The following PRMT3 variants were observed in gnomAD, a reference collection of about 807,000 sequenced individuals.
PRMT3 encodes the protein protein arginine methyltransferase 3, also known as protein arginine N-methyltransferase 3.
A neutral mutation model predicts 71.9 loss-of-function variants in PRMT3; 62 were observed. The observed-to-expected ratio is 0.86, with a 90% CI of 0.70 to 1.07. The LOEUF is 1.07. PRMT3 is among the 50% of genes least tolerant of loss of function. The pLI is 0.00. For missense variants in PRMT3, 663 were observed against 643.0 expected (o/e 1.03, Z -0.34); for synonymous variants, 213 against 220.4 (o/e 0.97, Z 0.30).
At chr11:20,419,807 A>G (rs963631468) in intron 9 of PRMT3, among the ~76,000 whole-genome samples, 1 of 152,214 alleles carries the variant, frequency 6.6e-6, no homozygotes, top group Admixed American at 6.5e-5. Flanking sequence ...CTAAAACTCC[A>G]TTAAGGCAGT....
chr11:20,467,242 A>G (rs1850534282), intron 13 of PRMT3, among the ~76,000 whole-genome samples: 1 of 152,204 alleles, frequency 6.6e-6, no homozygotes, highest in Non-Finnish European at 1.5e-5. Flanking sequence ...TTATCAGAGG[A>G]AGGTAACGTA....
At chr11:20,436,766 C>CTGATTTTGTT (rs1256190655) in intron 10 of PRMT3, among the ~76,000 whole-genome samples, 2 of 151,534 alleles carry the variant, frequency 1.3e-5, no homozygotes, top group African/African-American at 4.9e-5. Flanking sequence ...GTGTCTTTAA[C>CTGATTTTGTT]TGATTTTGTT....
chr11:20,392,188 G>A (rs1848729524), intron 3 of PRMT3, 23 bp from the exon 4 acceptor site: 2 of 1,568,098 alleles, frequency 1.3e-6, no homozygotes, highest in Admixed American at 3.6e-5. Context: ...TAACATAGGT[G>A]AATTATCTTT....
intron 8 of PRMT3, chr11:20,405,355 A>G (rs1590039313): frequency 7.6e-6 from 1 of 132,080 alleles, no homozygotes; most frequent in African/African-American, 2.5e-5. Context: ...AAATTTCCTC[A>G]TCATTTTATA....
At chr11:20,485,735 C>G (rs1851057163) in intron 13 of PRMT3, among the ~76,000 whole-genome samples, 1 of 152,000 alleles carries the variant, frequency 6.6e-6, no homozygotes, top group Non-Finnish European at 1.5e-5. Context: ...AAATGGGCAT[C>G]CCAGAGAAAA....
chr11:20,390,636 A>G (rs986010155), intron 3 of PRMT3, among the ~76,000 whole-genome samples: 20 of 152,260 alleles, frequency 1.3e-4, no homozygotes, highest in African/African-American at 4.6e-4. Context: ...TTGCCTTACA[A>G]TTAAGGCCTT....
intron 15 of PRMT3, among the ~76,000 whole-genome samples, chr11:20,500,400 T>C (rs540933576): frequency 2.0e-5 from 3 of 152,336 alleles, no homozygotes; most frequent in South Asian, 4.1e-4. Flanking sequence ...AATGGGCTAA[T>C]TCTAAAAGTT....
chr11:20,423,288 G>C (rs1161146992), intron 9 of PRMT3, among the ~76,000 whole-genome samples: 1 of 152,066 alleles, frequency 6.6e-6, no homozygotes, highest in Non-Finnish European at 1.5e-5. Flanking sequence ...ATTGTTGTTA[G>C]TTGGTCTGAA....
intron 13 of PRMT3, among the ~76,000 whole-genome samples, chr11:20,465,062 C>T (rs1331287123): frequency 6.6e-6 from 1 of 151,954 alleles, no homozygotes; most frequent in Non-Finnish European, 1.5e-5. Flanking sequence ...GTGGTTCTAC[C>T]ACTTATTTCG....
intron 10 of PRMT3, among the ~76,000 whole-genome samples, chr11:20,444,309 A>G (rs1394119037): frequency 2.0e-5 from 3 of 152,194 alleles, no homozygotes; most frequent in African/African-American, 7.2e-5. Context: ...TCATTTAACA[A>G]ATAGTGTGGC....
intron 13 of PRMT3, among the ~76,000 whole-genome samples, chr11:20,467,975 C>T (rs961363288): frequency 4.6e-5 from 7 of 152,220 alleles, no homozygotes; most frequent in African/African-American, 1.7e-4. Flanking sequence ...CTTACGCAAG[C>T]ATGGCCTCTT....
chr11:20,448,050 C>A (rs2133382069), intron 10 of PRMT3, among the ~76,000 whole-genome samples: 1 of 152,040 alleles, frequency 6.6e-6, no homozygotes, highest in East Asian at 1.9e-4. Flanking sequence ...GTGTTTTCTC[C>A]TTCCTGAGTT....
At chr11:20,477,027 G>A (rs1850806735) in intron 13 of PRMT3, among the ~76,000 whole-genome samples, 1 of 152,104 alleles carries the variant, frequency 6.6e-6, no homozygotes, top group African/African-American at 2.4e-5. Context: ...TTGATTTCCC[G>A]TGTCTTAAGC....
chr11:20,463,066 G>C (rs533433104), intron 12 of PRMT3, among the ~76,000 whole-genome samples: 3 of 152,184 alleles, frequency 2.0e-5, no homozygotes, highest in African/African-American at 4.8e-5. Context: ...GGGTTTCACC[G>C]TGTTGACCAG....
At chr11:20,499,456 A>G (rs1851406909) in intron 15 of PRMT3, among the ~76,000 whole-genome samples, 1 of 152,130 alleles carries the variant, frequency 6.6e-6, no homozygotes, top group South Asian at 2.1e-4. Flanking sequence ...CCCTGTCTCT[A>G]AAGAAAAAAA....
chr11:20,403,010 T>C lies in PRMT3; in HGVS notation c.771+26T>C, dbSNP rs372676806. 1.6e-4 allele frequency: 234 copies of C among 1,504,988 alleles called. 2 individuals carry two copies. The South Asian group carries it at 2.2e-3, about 14-fold the overall frequency. The allele number at this position is 1,504,988 out of a possible 1,614,324, so 93.2% of individuals were successfully genotyped here. On this transcript the variant is annotated intron_variant, in intron 8 of 15. Transcript: ENST00000331079. ...GTAAGTAGTATAGGTTATAGAATTA[T>C]ACATTTCATCTTGTTCTTGGGCAGT...
intron 10 of PRMT3, among the ~76,000 whole-genome samples, chr11:20,448,698 C>T (rs2133382903): frequency 6.6e-6 from 1 of 152,032 alleles, no homozygotes; most frequent in Non-Finnish European, 1.5e-5. Context: ...GTATCTAATC[C>T]AAGAAGATAT....
At chr11:20,412,397 ACCC>A (rs11325795) in intron 9 of PRMT3, among the ~76,000 whole-genome samples, 2 of 151,006 alleles carry the variant, frequency 1.3e-5, no homozygotes, top group South Asian at 2.1e-4. Flanking sequence ...TGTAGTCTGA[ACCC>A]CCCCCCCACC....
chr11:20,457,186 A>G (rs1365323879), intron 11 of PRMT3, among the ~76,000 whole-genome samples: 4 of 152,162 alleles, frequency 2.6e-5, no homozygotes, highest in African/African-American at 9.7e-5. Flanking sequence ...GAGCAAAATA[A>G]GCTTAAATGT....
Sources: gnomAD v4.1 joint callset for allele counts (sites outside exome capture counted in the v4.1 genomes callset) on GRCh38, gnomAD v4.1.1 for gene constraint, MANE v1.5 for transcripts, NCBI Gene and HGNC (gene_info 2026-07-23, HGNC 2026-07-21) for gene names.